The following ZBTB40 variants were observed in gnomAD, a reference collection of about 807,000 sequenced individuals.
The protein encoded by ZBTB40 is zinc finger and BTB domain-containing protein 40.
In ZBTB40, 60 loss-of-function variants were observed where a neutral mutation model predicts 117.5. The ratio of observed to expected loss-of-function variants is 0.51; its 90% CI spans 0.41 to 0.63. The LOEUF (loss-of-function observed/expected upper bound fraction) is 0.63, where lower values mean the gene tolerates loss of function less well. Ranked by LOEUF, ZBTB40 falls within the 30% of genes least tolerant of loss-of-function variation. ZBTB40 has a pLI of 0.00. For synonymous variants in ZBTB40, 525 were observed against 577.1 expected (o/e 0.91, Z 1.29); for missense variants, 1,287 against 1,498.5 (o/e 0.86, Z 2.33).
intron 1 of ZBTB40, among the ~76,000 whole-genome samples, chr1:22,430,229 C>A (rs1271230039): frequency 6.6e-6 from 1 of 152,102 alleles, no homozygotes; most frequent in African/African-American, 2.4e-5. Flanking sequence ...GGGAATTTTG[C>A]ATCTGTAGTT....
rs141548763 is a variant in ZBTB40, at chr1:22,508,658, A to G, written c.1626A>G (p.Thr542=). The change falls in exon 8 of 18, where the codon ACA becomes ACG. Residue 542 remains threonine, a synonymous_variant. Transcript: ENST00000375647. ...AACTGCTGCTGGTGGTTCAGGAGACAAAGACCTGTCCATTGGACCTGCTCA... is the reference window on the plus strand; with the variant it reads ...AACTGCTGCTGGTGGTTCAGGAGACGAAGACCTGTCCATTGGACCTGCTCA... ...IWQLLLVVQE[T]KTCPLDLLME... 156 of 1,614,208 alleles carry G rather than the reference A, an allele frequency of 9.7e-5. No individual in the cohort carries two copies. In the East Asian group the frequency reaches 1.0e-3, roughly 10 times the overall value.
chr1:22,504,929 C>T (rs1173745262), intron 5 of ZBTB40, among the ~76,000 whole-genome samples: 4 of 152,200 alleles, frequency 2.6e-5, no homozygotes, highest in African/African-American at 2.4e-5. Context: ...TGTTTAGATA[C>T]AAGCTCTTAA....
chr1:22,433,155 C>A (rs192938405), intron 1 of ZBTB40, among the ~76,000 whole-genome samples: 1 of 151,808 alleles, frequency 6.6e-6, no homozygotes, highest in African/African-American at 2.4e-5. Flanking sequence ...ACAGCTAGGC[C>A]GGGTGTGGTG....
intron 1 of ZBTB40, among the ~76,000 whole-genome samples, chr1:22,454,183 C>T (rs1173505322): frequency 6.6e-6 from 1 of 152,156 alleles, no homozygotes; most frequent in Non-Finnish European, 1.5e-5. Context: ...GAAGTCTTGA[C>T]CTCAAGTGAT....
At chr1:22,476,822 G>A (rs370050099) in intron 1 of ZBTB40, among the ~76,000 whole-genome samples, 1 of 151,910 alleles carries the variant, frequency 6.6e-6, no homozygotes. Context: ...CAATTTTTTC[G>A]AGCCTAGCAA....
intron 16 of ZBTB40, among the ~76,000 whole-genome samples, chr1:22,523,076 T>C (rs1639583539): frequency 6.7e-6 from 1 of 149,938 alleles, no homozygotes; most frequent in Non-Finnish European, 1.5e-5. Context: ...GCCTCCCGAG[T>C]AGCTGGGACT....
At chr1:22,448,881 C>T (rs895050136), upstream of ZBTB40, among the ~76,000 whole-genome samples, 17 of 151,564 alleles carry the variant, frequency 1.1e-4, no homozygotes, top group Non-Finnish European at 1.9e-4. Context: ...GGCGTGATTT[C>T]GGCTCACTGC....
intron 1 of ZBTB40, among the ~76,000 whole-genome samples, chr1:22,487,356 T>C (rs1030456522): frequency 2.0e-5 from 3 of 152,232 alleles, no homozygotes; most frequent in African/African-American, 7.2e-5. Context: ...TTTTGACATA[T>C]GTCTTTCCGC....
intron 1 of ZBTB40, among the ~76,000 whole-genome samples, chr1:22,462,646 C>T (rs1366711758): frequency 6.6e-6 from 1 of 152,216 alleles, no homozygotes; most frequent in Non-Finnish European, 1.5e-5. Flanking sequence ...GTTTCCTCAT[C>T]TATGAAATGT....
intron 8 of ZBTB40, 93 bp downstream of exon 8, chr1:22,508,824 A>G: frequency 7.6e-7 from 1 of 1,313,558 alleles, no homozygotes; most frequent in Non-Finnish European, 1.1e-6. Flanking sequence ...AACGGTAGTC[A>G]CCTACATCCC....
chr1:22,429,749 T>C (rs1048315213), intron 1 of ZBTB40, among the ~76,000 whole-genome samples: 12 of 152,232 alleles, frequency 7.9e-5, no homozygotes, highest in African/African-American at 2.9e-4. Flanking sequence ...TCCCAGCACT[T>C]TGGGAGGCCG....
chr1:22,459,204 T>C (rs1641076050), intron 1 of ZBTB40, among the ~76,000 whole-genome samples: 1 of 152,232 alleles, frequency 6.6e-6, no homozygotes, highest in South Asian at 2.1e-4. Context: ...TATATCTTTA[T>C]ATAGTTGTGT....
At position 22,526,349 on chromosome 1, in the gene ZBTB40, G is replaced by GA. The variant is rs1557529553; in HGVS notation, c.3674dup (p.Asp1225GlufsTer13). ...TGAGCTCGTGGCGGTGACTGTGGAG[G>GA]ACTTGCTGGATGGCACAGTGACGCT... On this transcript the variant is annotated frameshift_variant, in exon 18 of 18. Coordinates refer to ENST00000375647, the MANE Select transcript of ZBTB40 (RefSeq NM_014870.4). LOFTEE classifies it high-confidence loss of function. 3 of 1,614,192 alleles carry GA rather than the reference G, an allele frequency of 1.9e-6. No individual in the cohort carries two copies. Among genetic ancestry groups the GA allele is most frequent in the Non-Finnish European group, 2.5e-6 (3 of 1,180,020 alleles).
At position 22,511,174 on chromosome 1, in the gene ZBTB40, T is replaced by C; in HGVS notation, c.1834-5T>C. 6.2e-7 allele frequency: 1 copy of C among 1,613,722 alleles called. No homozygotes were observed. Among genetic ancestry groups the C allele is most frequent in the Non-Finnish European group, 8.5e-7 (1 of 1,179,884 alleles). On this transcript the variant is annotated splice_region_variant and splice_polypyrimidine_tract_variant and intron_variant, in intron 9 of 17. Coordinates refer to ENST00000375647, the MANE Select transcript of ZBTB40 (RefSeq NM_014870.4). The stretch of plus-strand genomic sequence containing the variant: ...CCACACCTTTGTCTCCTGGTATTCA[T>C]TTAGATTCTGAGCATTCCCTCTGAG...
chr1:22,501,655 C>T lies in ZBTB40; in HGVS notation c.995C>T (p.Pro332Leu), dbSNP rs1443877304. 3.1e-6 allele frequency: 5 copies of T among 1,613,934 alleles called. No homozygotes were observed. The highest frequency in any genetic ancestry group is 4.2e-6 in the Non-Finnish European group (5 of 1,179,968). Residue 332 changes from proline to leucine, a missense_variant, in exon 4 of 18, where the codon CCA becomes CTA. Physicochemically the swap from Pro to Leu is moderately conservative, Grantham distance 98 (BLOSUM62 -3). This residue lies in a region of ZBTB40 where 870 missense variants were observed against 934.4 expected (regional missense o/e 0.93). Transcript: ENST00000375647. ...AVKTALLDRK[P>L]EDVDTVQPKG... The stretch of plus-strand genomic sequence containing the variant: ...AAAACAGCACTATTAGACAGGAAGC[C>T]AGAAGATGTAGACACAGTGCAGCCA...
intron 1 of ZBTB40, among the ~76,000 whole-genome samples, chr1:22,433,432 C>CAAAAAA (rs767913519): frequency 0.021 from 187 of 8,760 alleles, 42 homozygotes; most frequent in Non-Finnish European, 0.03. Flanking sequence ...GACGCCCTCT[C>CAAAAAA]AAAAAAAAAA....
chr1:22,448,988 G>A (rs954294116), upstream of ZBTB40, among the ~76,000 whole-genome samples: 3 of 151,750 alleles, frequency 2.0e-5, no homozygotes, highest in Non-Finnish European at 2.9e-5. Flanking sequence ...AATTTTTTTT[G>A]TATTTTTAGT....
At position 22,489,961 on chromosome 1, in the gene ZBTB40, A is replaced by G. The variant is rs772200796; in HGVS notation, c.13A>G (p.Asn5Asp). Residue 5 changes from asparagine to aspartate, a missense_variant, in exon 2 of 18, where the codon AAC (asparagine) becomes GAC (aspartate). By Grantham distance (23) the Asn-to-Asp change is conservative. Transcript: ENST00000375647. MELP[N>D]YSRQLLQQLY... ...CAGAGTTGACGCAATGGAGCTCCCC[A>G]ACTACAGCCGGCAGCTGCTGCAGCA... is the stretch of plus-strand genomic sequence containing the variant. The G allele has an allele frequency of 2.9e-5, 47 of 1,612,054 alleles. No individual in the cohort carries two copies. Among genetic ancestry groups the G allele is most frequent in the Non-Finnish European group, 3.9e-5 (46 of 1,179,986 alleles).
At chr1:22,480,102 T>A (rs1272950087) in intron 1 of ZBTB40, among the ~76,000 whole-genome samples, 1 of 152,154 alleles carries the variant, frequency 6.6e-6, no homozygotes, top group Non-Finnish European at 1.5e-5. Context: ...AGACGGTGTT[T>A]CGCCGTGTTG....
Sources: gnomAD v4.1 joint callset for allele counts (sites outside exome capture counted in the v4.1 genomes callset) on GRCh38, gnomAD v4.1.1 for gene constraint, gnomAD v4.1.1 regional missense constraint, MANE v1.5 for transcripts, NCBI Gene and HGNC (gene_info 2026-07-23, HGNC 2026-07-21) for gene names.